Variants in CPNE2 observed in about 807,000 individuals in gnomAD.
CPNE2 encodes copine-2.
In CPNE2, 42 loss-of-function variants were observed where a neutral mutation model predicts 69.7. The ratio of observed to expected loss-of-function variants is 0.60; its 90% CI spans 0.47 to 0.78. The LOEUF (loss-of-function observed/expected upper bound fraction) is 0.78, where lower values mean the gene tolerates loss of function less well. Ranked by LOEUF, CPNE2 falls within the 30% of genes least tolerant of loss-of-function variation. CPNE2 has a pLI of 0.00. For missense variants in CPNE2, 587 were observed against 732.0 expected, an observed-to-expected ratio of 0.80 and a Z score of 2.29; for synonymous variants, 294 against 289.8, an observed-to-expected ratio of 1.01 and a Z score of -0.15.
chr16:57,140,572 A>T (rs1339535506), intron 14 of CPNE2, among the ~76,000 whole-genome samples: 3 of 145,166 alleles, frequency 2.1e-5, no homozygotes. Context: ...TGGGAGGGAT[A>T]TTTTTTTTTT....
intron 7 of CPNE2, 36 bp from the exon 8 acceptor site, chr16:57,121,057 G>T (rs374888241): frequency 8.4e-6 from 13 of 1,538,482 alleles, no homozygotes; most frequent in South Asian, 1.2e-5. Context: ...CCTCTTGGGG[G>T]ACAGCTCTGG....
At chr16:57,115,592 A>ACCCCCC in intron 4 of CPNE2, 42 bp downstream of exon 4, 1 of 1,049,084 alleles carries the variant, frequency 9.5e-7, no homozygotes, top group South Asian at 1.5e-5. Flanking sequence ...CTCCATCCCC[A>ACCCCCC]CCCCACACCC....
intron 13 of CPNE2, 100 bp downstream of exon 13, chr16:57,134,926 C>T: frequency 8.1e-7 from 1 of 1,233,096 alleles, no homozygotes; most frequent in Non-Finnish European, 1.2e-6. Flanking sequence ...ATTTCTTTCT[C>T]CTTTCCCCTC....
intron 12 of CPNE2, among the ~76,000 whole-genome samples, chr16:57,133,980 GA>G (rs1415861643): frequency 1.3e-5 from 2 of 152,204 alleles, no homozygotes; most frequent in African/African-American, 4.8e-5. Flanking sequence ...TCCCCCATCT[GA>G]GCTCTGCAGC....
chr16:57,132,964 G>A (rs1007588447), intron 12 of CPNE2, among the ~76,000 whole-genome samples: 6 of 152,090 alleles, frequency 3.9e-5, no homozygotes, highest in Middle Eastern at 3.2e-3. Context: ...CGGGGGGCCC[G>A]AGAAGGCAAA....
chr16:57,102,618 T>G (rs1459204715), intron 1 of CPNE2, among the ~76,000 whole-genome samples: 4 of 151,848 alleles, frequency 2.6e-5, no homozygotes, highest in African/African-American at 4.8e-5. Context: ...TTTTTTTTTT[T>G]TGAGAGAGGG....
intron 5 of CPNE2, among the ~76,000 whole-genome samples, chr16:57,118,132 T>A (rs2069733546): frequency 6.6e-6 from 1 of 151,026 alleles, no homozygotes; most frequent in Non-Finnish European, 1.5e-5. Context: ...CCTTCTCGTC[T>A]CCTTAACACT....
intron 11 of CPNE2, among the ~76,000 whole-genome samples, chr16:57,126,895 A>T (rs527376720): frequency 6.6e-6 from 1 of 152,262 alleles, no homozygotes; most frequent in Non-Finnish European, 1.5e-5. Context: ...TGAGCTCTAG[A>T]TGCCTGGCTG....
At chr16:57,127,712 C>T in intron 11 of CPNE2, 137 bp from the exon 12 acceptor site, 2 of 829,640 alleles carry the variant, frequency 2.4e-6, no homozygotes, top group South Asian at 1.5e-5. Flanking sequence ...ATGATCCTAA[C>T]AGCTTTTTCT....
chr16:57,099,456 G>A (rs1254828645), intron 1 of CPNE2, among the ~76,000 whole-genome samples: 1 of 151,960 alleles, frequency 6.6e-6, no homozygotes, highest in Non-Finnish European at 1.5e-5. Context: ...GTTTTCGTTG[G>A]GCACTAATGT....
chr16:57,122,967 A>G (rs1400077496), intron 9 of CPNE2, among the ~76,000 whole-genome samples: 2 of 151,930 alleles, frequency 1.3e-5, no homozygotes, highest in Non-Finnish European at 2.9e-5. Context: ...ACTCTACCAA[A>G]ATTAAAAGAT....
intron 1 of CPNE2, among the ~76,000 whole-genome samples, chr16:57,101,749 T>G (rs2069615258): frequency 1.3e-5 from 2 of 152,316 alleles, no homozygotes; most frequent in South Asian, 2.1e-4. Context: ...ACACAGAATT[T>G]TAGGCCCCTC....
chr16:57,146,132 G>C lies in CPNE2; in HGVS notation c.1350G>C (p.Met450Ile). 1 of 1,599,026 alleles carries C rather than the reference G, an allele frequency of 6.3e-7. No homozygotes were observed. Among genetic ancestry groups the C allele is most frequent in the Non-Finnish European group, 8.5e-7 (1 of 1,172,236 alleles). Residue 450 changes from methionine (M) to isoleucine (I), a missense_variant, in exon 15 of 16, where the codon ATG becomes ATC. By Grantham distance (10) the Met-to-Ile change is conservative. Transcript: ENST00000290776. The surrounding 1 kb of genome is among the most constrained non-coding windows in gnomAD (Gnocchi z 4.4). ...TCACGGACGGGGTCATCAGTGACAT[G>C]GAGGAGACACGGCATGCCGTGGTGC... The part of the protein sequence containing the change: ...LIITDGVISD[M>I]EETRHAVVQA...
chr16:57,127,483 A>G (rs1215157965), intron 11 of CPNE2, among the ~76,000 whole-genome samples: 1 of 152,186 alleles, frequency 6.6e-6, no homozygotes, highest in Non-Finnish European at 1.5e-5. Flanking sequence ...CCCAGCTATG[A>G]GCAGGAGGCT....
intron 13 of CPNE2, among the ~76,000 whole-genome samples, chr16:57,135,445 G>A (rs1433851683): frequency 1.3e-5 from 2 of 152,170 alleles, no homozygotes; most frequent in African/African-American, 4.8e-5. Context: ...GAGGCAAGAG[G>A]AGCACTTGAG....
rs887407434 is a variant in CPNE2, at chr16:57,110,917, A to C, written c.175A>C (p.Ile59Leu). 4 of 1,608,880 alleles carry C rather than the reference A, an allele frequency of 2.5e-6. No individual in the cohort carries two copies. The highest frequency in any genetic ancestry group is 1.7e-5 in the Admixed American group (1 of 59,630). The change falls in exon 2 of 16, where the codon ATC becomes CTC. Residue 59 changes from isoleucine to leucine, a missense_variant. Around this residue, in one of 5 missense-constraint regions of CPNE2, gnomAD observed 96 missense variants for 94.9 expected, o/e 1.01. Coordinates refer to ENST00000290776, the MANE Select transcript of CPNE2 (RefSeq NM_152727.6). ...VLFTENNGRW[I>L]EYDRTETAIN... ...CTTTACAGAGAACAATGGCAGATGG[A>C]TCGAGGTGAGGCTCTTCCGTGTGTC...
At chr16:57,144,191 GCCA>G (rs2145286900) in intron 14 of CPNE2, 1 of 152,432 alleles carries the variant, frequency 6.6e-6, no homozygotes, top group Admixed American at 6.5e-5. Flanking sequence ...TGGGATTCAG[GCCA>G]CCATCTCCAT....
chr16:57,096,415 G>A (rs547617271), intron 1 of CPNE2, among the ~76,000 whole-genome samples: 1 of 152,272 alleles, frequency 6.6e-6, no homozygotes, highest in South Asian at 2.1e-4. Flanking sequence ...GGGAGAGCCG[G>A]GCGTGGTGGC....
At chr16:57,111,296 C>G (rs1363172527) in intron 2 of CPNE2, among the ~76,000 whole-genome samples, 1 of 151,602 alleles carries the variant, frequency 6.6e-6, no homozygotes, top group Non-Finnish European at 1.5e-5. Flanking sequence ...CCTGCCTCAG[C>G]CTCCCGATTA....
Sources: allele counts gnomAD v4.1 joint callset (sites outside exome capture counted in the v4.1 genomes callset), GRCh38; gene constraint gnomAD v4.1.1; regional missense constraint gnomAD v4.1.1; non-coding constraint Gnocchi (gnomAD v3.1); transcripts MANE v1.5; gene names NCBI Gene and HGNC (gene_info 2026-07-23, HGNC 2026-07-21).